Variants in IL16 observed in about 807,000 individuals in gnomAD.
IL16 encodes pro-interleukin-16.
In IL16, 67 loss-of-function variants were observed where a neutral mutation model predicts 110.1. The observed-to-expected ratio is 0.61, with a 90% CI of 0.50 to 0.75. IL16 has a LOEUF of 0.75. Ranked by LOEUF, IL16 falls within the 30% of genes least tolerant of loss-of-function variation. IL16 has a pLI of 0.00. For synonymous variants in IL16, 689 were observed against 662.9 expected, an observed-to-expected ratio of 1.04 and a Z score of -0.61; for missense variants, 1,545 against 1,655.0, an observed-to-expected ratio of 0.93 and a Z score of 1.15.
intron 12 of IL16, 81 bp from the exon 13 acceptor site, chr15:81,296,847 G>A (rs1022458133): frequency 6.0e-5 from 77 of 1,288,076 alleles, no homozygotes; most frequent in Admixed American, 4.7e-4. Context: ...CCGTTTTTCC[G>A]TCCCAATCAA....
At position 81,313,244 on chromosome 15, in the gene IL16, G is replaced by C. The variant is rs1316276754; in HGVS notation, c.*4446G>C. 3 of 1,539,318 alleles carry C rather than the reference G, an allele frequency of 1.9e-6. No homozygotes were observed. Among genetic ancestry groups the C allele is most frequent in the African/African-American group, 1.4e-5 (1 of 71,636 alleles). On this transcript the variant is annotated 3_prime_UTR_variant, in exon 19 of 19. Coordinates refer to ENST00000683961, the MANE Select transcript of IL16 (RefSeq NM_172217.5). ...AGTCACGGGAGTTCTTTGCCAAGAA[G>C]TAACGATAGCATTACTCATGGAATT...
At chr15:81,234,801 A>G (rs1304335565) in intron 2 of IL16, among the ~76,000 whole-genome samples, 1 of 152,258 alleles carries the variant, frequency 6.6e-6, no homozygotes, top group Non-Finnish European at 1.5e-5. Context: ...TTAAGTGTCT[A>G]AAAAGTTATA....
chr15:81,203,640 G>A (rs1053380839), intron 1 of IL16, among the ~76,000 whole-genome samples: 76 of 152,096 alleles, frequency 5.0e-4, no homozygotes, highest in Non-Finnish European at 8.2e-4. Context: ...GTAGATATGC[G>A]GCATTATTTC....
In IL16 at chr15:81,279,595, C is replaced by A. The variant is rs1899075266; in HGVS notation, c.902C>A (p.Thr301Asn). 3 of 1,613,928 alleles carry A rather than the reference C, an allele frequency of 1.9e-6. No homozygotes were observed. The highest frequency in any genetic ancestry group is 1.7e-6 in the Non-Finnish European group (2 of 1,180,040). Residue 301 changes from threonine (T) to asparagine (N), a missense_variant, in exon 8 of 19, where the codon ACC (threonine) becomes AAC (asparagine). Thr to Asn is a moderately conservative substitution (Grantham distance 65, BLOSUM62 0). Coordinates refer to ENST00000683961, the MANE Select transcript of IL16 (RefSeq NM_172217.5). ...KKGLLTLTVR[T>N]RLTAPPSLCS... Reference sequence around the variant, plus strand: ...GGGCTCCTCACCCTCACCGTGAGAACCCGCCTGACGGCGCCTCCTTCCCTG... The same window carrying A: ...GGGCTCCTCACCCTCACCGTGAGAAACCGCCTGACGGCGCCTCCTTCCCTG...
chr15:81,209,747 C>T (rs951085647), intron 1 of IL16, among the ~76,000 whole-genome samples: 6 of 152,168 alleles, frequency 3.9e-5, no homozygotes, highest in Admixed American at 3.3e-4. Flanking sequence ...CACTCTAGTC[C>T]ATGTCCTGTC....
At chr15:81,275,136 G>T (rs1287426368) in intron 6 of IL16, among the ~76,000 whole-genome samples, 1 of 151,582 alleles carries the variant, frequency 6.6e-6, no homozygotes, top group Admixed American at 6.6e-5. Flanking sequence ...TATAGAGTAA[G>T]AGGCACTGGA....
In IL16 at chr15:81,308,963, C is replaced by A; in HGVS notation, c.*165C>A. 1.8e-6 allele frequency: 1 copy of A among 542,926 alleles called. No individual in the cohort carries two copies. The highest frequency in any genetic ancestry group is 3.2e-6 in the Non-Finnish European group (1 of 310,822). The allele number at this position is 542,926 out of a possible 1,614,324, so 33.6% of individuals were successfully genotyped here. Reference sequence around the variant, plus strand: ...CCAGACCTTCTAGGACGCCACCCAGCAAAAGGTTGTTCCTAAAATAAGGGC... The same window carrying A: ...CCAGACCTTCTAGGACGCCACCCAGAAAAAGGTTGTTCCTAAAATAAGGGC... On this transcript the variant is annotated 3_prime_UTR_variant, in exon 19 of 19. Transcript: ENST00000683961.
chr15:81,203,486 A>G (rs1396693745), intron 1 of IL16, among the ~76,000 whole-genome samples: 1 of 151,868 alleles, frequency 6.6e-6, no homozygotes, highest in African/African-American at 2.4e-5. Flanking sequence ...TCCATCTTGA[A>G]TTAATTTTTG....
chr15:81,206,997 G>A (rs1284290071), intron 1 of IL16, among the ~76,000 whole-genome samples: 1 of 152,036 alleles, frequency 6.6e-6, no homozygotes, highest in African/African-American at 2.4e-5. Flanking sequence ...ACTTTGGGAG[G>A]CCGAGGCAGG....
chr15:81,229,153 A>G (rs1263984137), intron 2 of IL16, among the ~76,000 whole-genome samples: 2 of 152,224 alleles, frequency 1.3e-5, no homozygotes, highest in East Asian at 1.9e-4. Flanking sequence ...TAAGAGTTAT[A>G]GTTGACAATG....
intron 1 of IL16, among the ~76,000 whole-genome samples, chr15:81,210,472 A>G (rs567202243): frequency 4.3e-4 from 65 of 152,314 alleles, no homozygotes; most frequent in African/African-American, 1.4e-3. Flanking sequence ...TTTAAACAAT[A>G]TTGATTCTTC....
intron 9 of IL16, among the ~76,000 whole-genome samples, chr15:81,283,965 T>A (rs1899316234): frequency 7.0e-6 from 1 of 143,704 alleles, no homozygotes; most frequent in Non-Finnish European, 1.5e-5. Flanking sequence ...ATCGCACCAT[T>A]GCACTTCAGC....
intron 5 of IL16, 142 bp from the exon 6 acceptor site, chr15:81,272,948 C>T (rs1184584875): frequency 4.6e-6 from 2 of 433,308 alleles, no homozygotes; most frequent in Middle Eastern, 7.2e-4. Flanking sequence ...TGTTGTTAAC[C>T]TCTGAGACCT....
intron 1 of IL16, among the ~76,000 whole-genome samples, chr15:81,183,494 C>T (rs574703641): frequency 6.6e-6 from 1 of 152,212 alleles, no homozygotes; most frequent in Non-Finnish European, 1.5e-5. Flanking sequence ...GAAACATAAA[C>T]AGGCATCAGG....
In IL16 at chr15:81,292,759, C is replaced by T; in HGVS notation, c.1624C>T (p.His542Tyr). The T allele has an allele frequency of 6.2e-7, 1 of 1,614,196 alleles. No individual in the cohort carries two copies. The highest frequency in any genetic ancestry group is 8.5e-7 in the Non-Finnish European group (1 of 1,180,030). ...KPSSDVDISTHSPSLPLAREP... is the reference protein window; with the variant it reads ...KPSSDVDISTYSPSLPLAREP... ...GTCCTCTGACGTGGACATCAGCACA[C>T]ACAGCCCCAGCTTGCCTCTGGCACG... Residue 542 changes from histidine (H) to tyrosine (Y), a missense_variant, in exon 12 of 19, where the codon CAC (histidine) becomes TAC (tyrosine). His to Tyr is a moderately conservative substitution (Grantham distance 83). Coordinates refer to ENST00000683961, the MANE Select transcript of IL16 (RefSeq NM_172217.5).
At chr15:81,204,261 T>C (rs546185192) in intron 1 of IL16, among the ~76,000 whole-genome samples, 1 of 151,934 alleles carries the variant, frequency 6.6e-6, no homozygotes, top group Non-Finnish European at 1.5e-5. Context: ...AATCATGTCA[T>C]CTGCAAACAG....
At chr15:81,252,081 A>C (rs1567019306) in intron 2 of IL16, among the ~76,000 whole-genome samples, 1 of 152,224 alleles carries the variant, frequency 6.6e-6, no homozygotes, top group Non-Finnish European at 1.5e-5. Context: ...GGAGACAGCT[A>C]TTTGTCTGGG....
intron 5 of IL16, among the ~76,000 whole-genome samples, chr15:81,270,650 A>G (rs1242451079): frequency 2.0e-5 from 3 of 152,218 alleles, no homozygotes; most frequent in Admixed American, 2.0e-4. Flanking sequence ...TTTCCCCTTC[A>G]ATTTAGGTAG....
At chr15:81,260,618 T>A (rs1253073225) in intron 3 of IL16, among the ~76,000 whole-genome samples, 1 of 152,232 alleles carries the variant, frequency 6.6e-6, no homozygotes, top group African/African-American at 2.4e-5. Flanking sequence ...GCTGAATAGG[T>A]ACATGAGATT....
Sources: allele counts gnomAD v4.1 joint callset (sites outside exome capture counted in the v4.1 genomes callset), GRCh38; gene constraint gnomAD v4.1.1; transcripts MANE v1.5; gene names NCBI Gene and HGNC (gene_info 2026-07-23, HGNC 2026-07-21).